NUDCD1: variants seen among roughly 807,000 people sequenced by gnomAD.
NUDCD1 encodes the protein NudC domain containing 1.
NUDCD1 carries 60 observed loss-of-function variants against 67.8 expected under a neutral mutation model. That is an observed-to-expected ratio of 0.88 (90% confidence interval 0.72 to 1.10). The LOEUF is 1.10. Ranked by LOEUF, NUDCD1 falls within the 50% of genes least tolerant of loss-of-function variation. The pLI is 0.00. For missense variants in NUDCD1, 643 were observed against 695.0 expected (o/e 0.93, Z 0.84); for synonymous variants, 244 against 230.8 (o/e 1.06, Z -0.52).
intron 5 of NUDCD1, among the ~76,000 whole-genome samples, chr8:109,282,133 AT>A (rs995521191): frequency 2.6e-5 from 4 of 151,998 alleles, no homozygotes; most frequent in African/African-American, 9.7e-5. Context: ...CCACTGGGGG[AT>A]CTGTAGGCAG....
chr8:109,299,883 C>T (rs1346176196), intron 2 of NUDCD1, among the ~76,000 whole-genome samples: 1 of 152,190 alleles, frequency 6.6e-6, no homozygotes, highest in Non-Finnish European at 1.5e-5. Flanking sequence ...AGGACAGGTG[C>T]TGGTATCCAT....
chr8:109,327,464 A>T (rs1815705885), intron 1 of NUDCD1, among the ~76,000 whole-genome samples: 1 of 152,148 alleles, frequency 6.6e-6, no homozygotes, highest in African/African-American at 2.4e-5. Flanking sequence ...GGCCAGAGTG[A>T]CCACAAAGAT....
At chr8:109,307,902 C>T (rs1815151014) in intron 2 of NUDCD1, among the ~76,000 whole-genome samples, 1 of 152,122 alleles carries the variant, frequency 6.6e-6, no homozygotes, top group Non-Finnish European at 1.5e-5. Flanking sequence ...TGATAAAAGG[C>T]CTTGTCCAAT....
intron 1 of NUDCD1, among the ~76,000 whole-genome samples, chr8:109,328,336 G>A (rs1815724805): frequency 6.6e-6 from 1 of 152,096 alleles, no homozygotes; most frequent in Non-Finnish European, 1.5e-5. Flanking sequence ...AAAGAAAAAG[G>A]CCAGAGTACT....
chr8:109,317,591 A>T (rs1467817503), intron 2 of NUDCD1, among the ~76,000 whole-genome samples: 3 of 152,188 alleles, frequency 2.0e-5, no homozygotes, highest in African/African-American at 7.2e-5. Context: ...TAGTACGTGT[A>T]AAGTGTTTAG....
At chr8:109,319,875 A>G (rs907235206) in intron 2 of NUDCD1, among the ~76,000 whole-genome samples, 2 of 152,226 alleles carry the variant, frequency 1.3e-5, no homozygotes, top group African/African-American at 4.8e-5. Flanking sequence ...ATTAAGGGAC[A>G]GAGTACAAAA....
intron 2 of NUDCD1, among the ~76,000 whole-genome samples, chr8:109,306,994 ATTTTGT>A (rs1345955206): frequency 1.3e-5 from 2 of 151,842 alleles, no homozygotes; most frequent in Non-Finnish European, 2.9e-5. Context: ...CTTCACCACT[ATTTTGT>A]TTTGTTTTTC....
chr8:109,306,484 T>C (rs935703661), intron 2 of NUDCD1, among the ~76,000 whole-genome samples: 3 of 151,728 alleles, frequency 2.0e-5, no homozygotes, highest in African/African-American at 7.3e-5. Context: ...ATTTACTCAC[T>C]GCTAAAAAAA....
intron 1 of NUDCD1, among the ~76,000 whole-genome samples, chr8:109,330,992 C>T (rs775216983): frequency 1.3e-4 from 19 of 151,944 alleles, no homozygotes; most frequent in Non-Finnish European, 2.2e-4. Flanking sequence ...CCATGGCACA[C>T]GTTTACCTAT....
chr8:109,333,806 A>G, intron 1 of NUDCD1, 87 bp downstream of exon 1: 3 of 1,411,032 alleles, frequency 2.1e-6, no homozygotes, highest in Admixed American at 2.0e-5. Context: ...CTTGCCAGTC[A>G]GAAAGAAAGA....
chr8:109,329,607 CAG>C (rs1232111449), intron 1 of NUDCD1, among the ~76,000 whole-genome samples: 1 of 152,032 alleles, frequency 6.6e-6, no homozygotes, highest in Non-Finnish European at 1.5e-5. Context: ...GCAGAAGGAG[CAG>C]AGAGATGGTT....
chr8:109,292,294 T>TTTA (rs1287449329), intron 4 of NUDCD1, among the ~76,000 whole-genome samples: 6 of 152,146 alleles, frequency 3.9e-5, no homozygotes, highest in African/African-American at 1.4e-4. Context: ...CTAATTAAAG[T>TTTA]TTAAAGTTAC....
chr8:109,290,625 A>T (rs1197663668), intron 4 of NUDCD1, among the ~76,000 whole-genome samples: 1 of 152,204 alleles, frequency 6.6e-6, no homozygotes, highest in Non-Finnish European at 1.5e-5. Context: ...AATTAGTGCT[A>T]CTTTTAAGAT....
At chr8:109,282,259 T>C (rs1027791534) in intron 5 of NUDCD1, among the ~76,000 whole-genome samples, 1 of 152,136 alleles carries the variant, frequency 6.6e-6, no homozygotes, top group Admixed American at 6.5e-5. Flanking sequence ...TAGAGAGTTC[T>C]CCCAGTAAAC....
chr8:109,306,675 C>A (rs1049362358), intron 2 of NUDCD1, among the ~76,000 whole-genome samples: 7 of 138,312 alleles, frequency 5.1e-5, no homozygotes, highest in African/African-American at 1.8e-4. Flanking sequence ...AATTGGATGT[C>A]CTGGGTCCTC....
chr8:109,261,032 C>G (rs761471985), intron 8 of NUDCD1, among the ~76,000 whole-genome samples: 27 of 152,064 alleles, frequency 1.8e-4, no homozygotes, highest in Non-Finnish European at 2.1e-4. Context: ...ACACTTTAAT[C>G]CAAGGCCAAG....
chr8:109,304,177 G>A (rs893623059), intron 2 of NUDCD1, among the ~76,000 whole-genome samples: 16 of 152,054 alleles, frequency 1.1e-4, no homozygotes, highest in African/African-American at 3.6e-4. Flanking sequence ...GAAGTGCAGG[G>A]GTGTGTGACT....
At chr8:109,257,703 G>A (rs1586254875) in intron 8 of NUDCD1, among the ~76,000 whole-genome samples, 1 of 152,218 alleles carries the variant, frequency 6.6e-6, no homozygotes, top group East Asian at 1.9e-4. Flanking sequence ...GTATAGTACT[G>A]TCTAAAGAAG....
At chr8:109,271,187 TTTC>T in intron 7 of NUDCD1, 57 bp from the exon 8 acceptor site, 3 of 1,200,020 alleles carry the variant, frequency 2.5e-6, no homozygotes, top group Non-Finnish European at 3.5e-6. Context: ...AGGGAATGGG[TTTC>T]TTCATCTTTA....
Sources: gnomAD v4.1 joint callset for allele counts (sites outside exome capture counted in the v4.1 genomes callset) on GRCh38, gnomAD v4.1.1 for gene constraint, MANE v1.5 for transcripts, NCBI Gene and HGNC (gene_info 2026-07-23, HGNC 2026-07-21) for gene names.